The following ANTXR1 variants were observed in gnomAD, a reference collection of about 807,000 sequenced individuals.
The protein encoded by ANTXR1 is ANTXR cell adhesion molecule 1.
A neutral mutation model predicts 78.1 loss-of-function variants in ANTXR1; 19 were observed. That is an observed-to-expected ratio of 0.24 (90% CI 0.17 to 0.36). ANTXR1 has a LOEUF of 0.36. Among genes scored for constraint, ANTXR1 ranks in the 10% least tolerant of loss-of-function variants. The pLI is 1.00. For synonymous variants in ANTXR1, 273 were observed against 260.5 expected, an observed-to-expected ratio of 1.05 and a Z score of -0.46; for missense variants, 518 against 718.6, an observed-to-expected ratio of 0.72 and a Z score of 3.19.
chr2:69,102,603 C>T (rs1671659495), intron 9 of ANTXR1, among the ~76,000 whole-genome samples: 1 of 152,136 alleles, frequency 6.6e-6, no homozygotes, highest in Non-Finnish European at 1.5e-5. Context: ...CCAGTAAGCC[C>T]AAAGGTAAAA....
In ANTXR1 at chr2:69,247,307, AAGGTAC is replaced by A. The variant is rs1289386693; in HGVS notation, c.*1825_*1830del. The A allele has an allele frequency of 6.6e-6, 1 of 152,660 alleles. No individual in the cohort carries two copies. Among genetic ancestry groups the A allele is most frequent in the African/African-American group, 2.4e-5 (1 of 41,446 alleles). 9.5% of individuals were successfully genotyped at this position (152,660 alleles called of 1,614,324 possible). A position where few individuals can be genotyped will look rare whatever the true frequency, so the allele number is the denominator to read the frequency against. On this transcript the variant is annotated 3_prime_UTR_variant, in exon 18 of 18. Coordinates refer to ENST00000303714, the MANE Select transcript of ANTXR1 (RefSeq NM_032208.3). The stretch of plus-strand genomic sequence containing the variant: ...AGAATGGGAAAGCCAGGGGGCATAA[AAGGTAC>A]AGTCAGGGGAAAATAGATCTAGGCA...
At position 69,110,256 on chromosome 2, in the gene ANTXR1, G is replaced by C. The variant is rs189030598; in HGVS notation, c.802+7316G>C. ...TGAGTCAACTGCTTTTATACATTTT[G>C]ACCCAGAATTTCAATTTCAGCTTCA... On this transcript the variant is annotated intron_variant, in intron 10 of 17. Coordinates refer to ENST00000303714, the MANE Select transcript of ANTXR1 (RefSeq NM_032208.3). 7.0e-3 allele frequency among the ~76,000 whole-genome samples: 1,070 copies of C among 152,228 alleles called. 21 individuals are homozygous for C. Among genetic ancestry groups the C allele is most frequent in the Non-Finnish European group, 6.0e-3 (407 of 68,008 alleles).
chr2:69,173,172 G>T (rs953441334), intron 14 of ANTXR1, among the ~76,000 whole-genome samples: 2 of 152,188 alleles, frequency 1.3e-5, no homozygotes, highest in African/African-American at 4.8e-5. Flanking sequence ...ACCCTCATGG[G>T]CTTTCGATTT....
Position 69,013,693 on chromosome 2 carries a change from G to C in ANTXR1, c.152+42G>C. 6.4e-7 allele frequency: 1 copy of C among 1,551,352 alleles called. No homozygotes were observed. Among genetic ancestry groups the C allele is most frequent in the Non-Finnish European group, 8.7e-7 (1 of 1,146,788 alleles). ...GTCCCCCCCACCCCAGGCTAAGCGG[G>C]CGAAAACGCTTTCGCCCCGGGCCGG... is the stretch of plus-strand genomic sequence containing the variant. On this transcript the variant is annotated intron_variant, in intron 1 of 17. Transcript: ENST00000303714. The surrounding 1 kb of genome is among the most constrained non-coding windows in gnomAD (Gnocchi z 5.0).
chr2:69,179,546 A>G (rs918341941), intron 14 of ANTXR1, among the ~76,000 whole-genome samples: 1 of 151,798 alleles, frequency 6.6e-6, no homozygotes, highest in Non-Finnish European at 1.5e-5. Flanking sequence ...AAAATTATCA[A>G]AATTAGCAGG....
intron 13 of ANTXR1, among the ~76,000 whole-genome samples, chr2:69,160,348 C>A (rs1424459619): frequency 6.6e-6 from 1 of 152,102 alleles, no homozygotes; most frequent in Admixed American, 6.5e-5. Context: ...TTGTCAAAGT[C>A]GACTGGGTTT....
chr2:69,100,115 G>A (rs909712784), intron 9 of ANTXR1, among the ~76,000 whole-genome samples: 1 of 152,190 alleles, frequency 6.6e-6, no homozygotes, highest in African/African-American at 2.4e-5. Context: ...TAAAAACACA[G>A]CTGTACATAT....
At chr2:69,103,382 A>G (rs778028831) in intron 10 of ANTXR1, 8 of 259,526 alleles carry the variant, frequency 3.1e-5, no homozygotes, top group Non-Finnish European at 4.6e-5. Flanking sequence ...GGTAAGTGTG[A>G]AAAAGGAATG....
chr2:69,215,911 T>C (rs1319141390), intron 17 of ANTXR1, among the ~76,000 whole-genome samples: 1 of 152,166 alleles, frequency 6.6e-6, no homozygotes, highest in African/African-American at 2.4e-5. Flanking sequence ...AACAAAGATA[T>C]CACCACTGAG....
intron 10 of ANTXR1, among the ~76,000 whole-genome samples, chr2:69,119,598 T>TGCAACCTTA (rs1362466742): frequency 6.6e-6 from 1 of 152,256 alleles, no homozygotes; most frequent in African/African-American, 2.4e-5. Context: ...TGGCTTGCGG[T>TGCAACCTTA]GCAACCTTAG....
chr2:69,088,096 C>G (rs567135770), intron 8 of ANTXR1, among the ~76,000 whole-genome samples: 30 of 152,188 alleles, frequency 2.0e-4, no homozygotes, highest in African/African-American at 6.7e-4. Context: ...ATTTTTTGGC[C>G]CTCCATACAC....
In ANTXR1 at chr2:69,117,364, G is replaced by C. The variant is rs79969377; in HGVS notation, c.803-5653G>C. ...AATTAACTAACCCTTCTGACTCTCA[G>C]TTTCTCAAAATGTAAATAATCTCTC... On this transcript the variant is annotated intron_variant, in intron 10 of 17. Coordinates refer to ENST00000303714, the MANE Select transcript of ANTXR1 (RefSeq NM_032208.3). 1.6e-3 allele frequency among the ~76,000 whole-genome samples: 241 copies of C among 152,320 alleles called. 2 individuals are homozygous for C. Among genetic ancestry groups the C allele is most frequent in the African/African-American group, 5.7e-3 (237 of 41,562 alleles).
intron 13 of ANTXR1, among the ~76,000 whole-genome samples, chr2:69,161,138 A>G (rs1657177915): frequency 6.6e-6 from 1 of 152,228 alleles, no homozygotes; most frequent in African/African-American, 2.4e-5. Flanking sequence ...GCCTCAGGGA[A>G]TCTGAAATCA....
chr2:69,044,457 C>A (rs1178445978), intron 2 of ANTXR1, among the ~76,000 whole-genome samples: 1 of 152,138 alleles, frequency 6.6e-6, no homozygotes, highest in Non-Finnish European at 1.5e-5. Context: ...GAACACAGGG[C>A]AACAATGAAG....
rs921399207 is a variant in ANTXR1 at position 69,081,340 on chromosome 2, A to G, written c.642+3852A>G. Reference sequence around the variant, plus strand: ...CTGGATTACCAGAAGCCAGTTGCCCAGGGCTTGGATTCATCAAATCCCCAG... The same window carrying G: ...CTGGATTACCAGAAGCCAGTTGCCCGGGGCTTGGATTCATCAAATCCCCAG... On this transcript the variant is annotated intron_variant, in intron 8 of 17. Coordinates refer to ENST00000303714, the MANE Select transcript of ANTXR1 (RefSeq NM_032208.3). 7.2e-5 allele frequency among the ~76,000 whole-genome samples: 11 copies of G among 152,354 alleles called. 1 individual carries two copies. Among genetic ancestry groups the G allele is most frequent in the Middle Eastern group, 6.8e-3 (2 of 294 alleles).
At chr2:69,100,396 C>T (rs535360973) in intron 9 of ANTXR1, among the ~76,000 whole-genome samples, 2 of 152,280 alleles carry the variant, frequency 1.3e-5, no homozygotes, top group South Asian at 4.1e-4. Context: ...GCATCATTTC[C>T]TCCACCGTCT....
intron 10 of ANTXR1, among the ~76,000 whole-genome samples, chr2:69,121,200 A>G (rs1381445620): frequency 2.0e-5 from 3 of 152,222 alleles, no homozygotes; most frequent in Non-Finnish European, 4.4e-5. Flanking sequence ...GGCTCCTTGG[A>G]CAAGGTACTT....
At chr2:69,178,823 G>T (rs1182279667) in intron 14 of ANTXR1, among the ~76,000 whole-genome samples, 1 of 152,188 alleles carries the variant, frequency 6.6e-6, no homozygotes, top group African/African-American at 2.4e-5. Context: ...CATTTCTCTA[G>T]ATCTGACTCC....
At chr2:69,052,005 T>A (rs542549928) in intron 3 of ANTXR1, among the ~76,000 whole-genome samples, 17 of 152,296 alleles carry the variant, frequency 1.1e-4, no homozygotes, top group South Asian at 6.2e-4. Flanking sequence ...TTGAAAAGTA[T>A]AATTTCATTT....
Sources: gnomAD v4.1 joint callset for allele counts (sites outside exome capture counted in the v4.1 genomes callset) on GRCh38, gnomAD v4.1.1 for gene constraint, Gnocchi (gnomAD v3.1) non-coding constraint, MANE v1.5 for transcripts, NCBI Gene and HGNC (gene_info 2026-07-23, HGNC 2026-07-21) for gene names.